OR1J2: variants seen among roughly 807,000 people sequenced by gnomAD.
OR1J2 encodes olfactory receptor family 1 subfamily J member 2.
For synonymous variants in OR1J2, 142 were observed against 99.7 expected (o/e 1.42, Z -2.52); for missense variants, 304 against 246.1 (o/e 1.24, Z -1.57).
chr9:122,554,071 C>T, the OR1J2 span: 881,994 of 1,612,180 alleles, frequency 0.55, 243,426 homozygotes, highest in East Asian at 0.63. Flanking sequence ...ATTATTCCCA[C>T]GCTAAACCCA....
the OR1J2 span, among the ~76,000 whole-genome samples, chr9:122,563,717 G>T: frequency 1.3e-5 from 2 of 152,104 alleles, no homozygotes; most frequent in East Asian, 3.8e-4. Flanking sequence ...TTTCCCCTAT[G>T]GCTTTGTCTA....
the OR1J2 span, among the ~76,000 whole-genome samples, chr9:122,473,432 T>C: frequency 6.6e-6 from 1 of 152,180 alleles, no homozygotes; most frequent in African/African-American, 2.4e-5. Context: ...AGAAAACTTG[T>C]TGGGACTGAT....
At chr9:122,462,870 T>A in the OR1J2 span, among the ~76,000 whole-genome samples, 4 of 152,360 alleles carry the variant, frequency 2.6e-5, no homozygotes, top group East Asian at 7.7e-4. Context: ...TTCCTTCATC[T>A]TGACCTTAGA....
At chr9:122,453,705 A>G in the OR1J2 span, among the ~76,000 whole-genome samples, 6 of 152,230 alleles carry the variant, frequency 3.9e-5, no homozygotes, top group Non-Finnish European at 7.3e-5. Context: ...CCTCTCAGAC[A>G]TCATTGTGAT....
the OR1J2 span, among the ~76,000 whole-genome samples, chr9:122,473,233 ACATCT>A: frequency 1.3e-5 from 2 of 151,996 alleles, no homozygotes; most frequent in Admixed American, 1.3e-4. Flanking sequence ...TCTGTAACAA[ACATCT>A]CAGCTCCAAC....
chr9:122,463,333 T>A, the OR1J2 span, among the ~76,000 whole-genome samples: 1 of 152,200 alleles, frequency 6.6e-6, no homozygotes, highest in Non-Finnish European at 1.5e-5. Context: ...TCATATCCTG[T>A]ATCTTTTTTT....
At chr9:122,563,326 T>C in the OR1J2 span, among the ~76,000 whole-genome samples, 1 of 152,206 alleles carries the variant, frequency 6.6e-6, no homozygotes, top group Non-Finnish European at 1.5e-5. Flanking sequence ...GTATATTTCA[T>C]TGTGATTTTG....
At chr9:122,452,610 T>A in the OR1J2 span, among the ~76,000 whole-genome samples, 1 of 152,108 alleles carries the variant, frequency 6.6e-6, no homozygotes, top group Non-Finnish European at 1.5e-5. Context: ...AATACTGTGA[T>A]ATGGTTTGGA....
the OR1J2 span, chr9:122,519,929 A>G: frequency 2.4e-5 from 38 of 1,613,940 alleles, no homozygotes; most frequent in Non-Finnish European, 3.1e-5. Flanking sequence ...TTCTCCCCTC[A>G]TCCAGTGCCT....
At chr9:122,536,877 G>A in the OR1J2 span, among the ~76,000 whole-genome samples, 1 of 152,130 alleles carries the variant, frequency 6.6e-6, no homozygotes, top group African/African-American at 2.4e-5. Flanking sequence ...TTAAGTATGT[G>A]GCTTTATTTC....
At chr9:122,472,605 T>C in the OR1J2 span, among the ~76,000 whole-genome samples, 2 of 152,210 alleles carry the variant, frequency 1.3e-5, no homozygotes, top group Non-Finnish European at 2.9e-5. Flanking sequence ...CCAAAGTTCA[T>C]AAAAGGTGAA....
the OR1J2 span, among the ~76,000 whole-genome samples, chr9:122,522,690 A>T: frequency 6.6e-6 from 1 of 152,138 alleles, no homozygotes; most frequent in African/African-American, 2.4e-5. Context: ...AACATTCTTT[A>T]TTTTATAGAT....
the OR1J2 span, among the ~76,000 whole-genome samples, chr9:122,578,865 G>A: frequency 2.0e-5 from 3 of 151,800 alleles, no homozygotes; most frequent in Non-Finnish European, 4.4e-5. Context: ...ACACTGCTCG[G>A]GTGCACCAAA....
At chr9:122,450,187 T>C in the OR1J2 span, among the ~76,000 whole-genome samples, 15 of 152,192 alleles carry the variant, frequency 9.9e-5, no homozygotes, top group East Asian at 2.9e-3. Context: ...TCTCAGCAAT[T>C]TGGGAGGCTG....
rs757902311 is a variant in OR1J2, at chr9:122,511,701, C to G, written c.900C>G (p.Ala300=). 1 of 780,916 alleles carries G rather than the reference C, an allele frequency of 1.3e-6. No homozygotes were observed. Among genetic ancestry groups the G allele is most frequent in the Non-Finnish European group, 2.4e-6 (1 of 418,090 alleles). 48.4% of individuals were successfully genotyped at this position (780,916 alleles called of 1,614,324 possible). Residue 300 remains alanine (A), a synonymous_variant, in exon 1 of 1, where the codon GCC becomes GCG. Transcript: ENST00000335302. ...YSLRNRDMKE[A]LGKLFSRATF... The stretch of plus-strand genomic sequence containing the variant: ...TTAGGAACAGGGACATGAAAGAGGC[C>G]CTTGGGAAACTCTTCAGTAGAGCAA...
At chr9:122,532,530 C>A in the OR1J2 span, among the ~76,000 whole-genome samples, 7 of 149,644 alleles carry the variant, frequency 4.7e-5, no homozygotes, top group Non-Finnish European at 1.0e-4. Flanking sequence ...GATTGAAGTC[C>A]GGGCCAGGAA....
At chr9:122,454,972 G>C in the OR1J2 span, among the ~76,000 whole-genome samples, 1 of 152,136 alleles carries the variant, frequency 6.6e-6, no homozygotes, top group Non-Finnish European at 1.5e-5. Flanking sequence ...ACAAAAAAAG[G>C]CAAGCCTTTT....
the OR1J2 span, chr9:122,519,697 A>G: frequency 1.9e-5 from 30 of 1,613,986 alleles, no homozygotes; most frequent in Non-Finnish European, 2.3e-5. Flanking sequence ...GCCCTACTCA[A>G]GCTCTCATGC....
chr9:122,451,343 G>A, the OR1J2 span, among the ~76,000 whole-genome samples: 3 of 152,040 alleles, frequency 2.0e-5, no homozygotes, highest in East Asian at 3.9e-4. Flanking sequence ...GCGCCACCAA[G>A]CCCAGCTAAT....
Sources: allele counts gnomAD v4.1 joint callset (sites outside exome capture counted in the v4.1 genomes callset), GRCh38; gene constraint gnomAD v4.1.1; transcripts MANE v1.5; gene names NCBI Gene and HGNC (gene_info 2026-07-23, HGNC 2026-07-21).